SGSM2: variants seen among roughly 807,000 people sequenced by gnomAD.
The protein encoded by SGSM2 is RUN and TBC1 domain containing 1.
Under a neutral mutation model 126.6 loss-of-function variants are expected in SGSM2, and 89 were observed. That is an observed-to-expected ratio of 0.70 (90% CI 0.59 to 0.84). The LOEUF (loss-of-function observed/expected upper bound fraction) is 0.84, where lower values mean the gene tolerates loss of function less well. SGSM2 is among the 40% of genes least tolerant of loss of function. The pLI, the probability that SGSM2 is intolerant of heterozygous loss-of-function variation, is 0.00. For synonymous variants in SGSM2, 614 were observed against 574.3 expected, an observed-to-expected ratio of 1.07 and a Z score of -0.99; for missense variants, 1,404 against 1,416.6, an observed-to-expected ratio of 0.99 and a Z score of 0.14.
Position 2,377,883 on chromosome 17 carries a change from G to T in SGSM2, c.2829G>T (p.Leu943=). 1 of 1,612,364 alleles carries T rather than the reference G, an allele frequency of 6.2e-7. No homozygotes were observed. Among genetic ancestry groups the T allele is most frequent in the South Asian group, 1.1e-5 (1 of 91,046 alleles). ...TCCTGGACTCAGAGCTGTTTGAGCT[G>T]ATGCATCAGAATGGAGACTACACCC... The part of the protein sequence containing the change: ...IQILDSELFE[L]MHQNGDYTHF... Residue 943 remains leucine (L), a synonymous_variant, in exon 22 of 24, where the codon CTG becomes CTT. Transcript: ENST00000268989.
intron 2 of SGSM2, among the ~76,000 whole-genome samples, chr17:2,345,521 G>A (rs948412875): frequency 1.3e-5 from 2 of 151,482 alleles, no homozygotes; most frequent in Non-Finnish European, 2.9e-5. Context: ...GCGTGAACCC[G>A]GGAGGCGGAG....
Position 2,367,526 on chromosome 17 carries a change from G to C in SGSM2, c.1423+121G>C. The C allele has an allele frequency of 8.7e-7, 1 of 1,153,150 alleles. No homozygotes were observed. Among genetic ancestry groups the C allele is most frequent in the Non-Finnish European group, 1.2e-6 (1 of 816,390 alleles). The allele number at this position is 1,153,150 out of a possible 1,614,324, so 71.4% of individuals were successfully genotyped here. On this transcript the variant is annotated intron_variant, in intron 12 of 23. Coordinates refer to ENST00000268989, the MANE Select transcript of SGSM2 (RefSeq NM_014853.3). This position sits in a 1 kb window ranked among gnomAD's most constrained non-coding sequence, Gnocchi z 4.0. ...CATTAGGGGACTTGCACCCAGGGCA[G>C]TTCCCTTCCATCGGGGGCAGATCAG...
At chr17:2,368,281 G>GC (rs1258026104) in intron 12 of SGSM2, among the ~76,000 whole-genome samples, 1 of 152,126 alleles carries the variant, frequency 6.6e-6, no homozygotes, top group Non-Finnish European at 1.5e-5. Context: ...TAGAGAGGGA[G>GC]CCCCCCTCTT....
chr17:2,365,201 C>A lies in SGSM2; in HGVS notation c.1162-14C>A. 6.2e-7 allele frequency: 1 copy of A among 1,605,206 alleles called. No homozygotes were observed. On this transcript the variant is annotated splice_polypyrimidine_tract_variant and intron_variant, in intron 10 of 23. Transcript: ENST00000268989. ...TGCCCTATACAGCCCGACCACCTAC[C>A]CCTCCTTCCACAGGGGAAAGTGTTC...
rs2064153307 is a variant in SGSM2 at position 2,337,908 on chromosome 17, G to A, written c.57+163G>A. Among the ~76,000 whole-genome samples, 1 of 151,968 alleles carries A rather than the reference G, an allele frequency of 6.6e-6. No individual in the cohort carries two copies. Among genetic ancestry groups the A allele is most frequent in the South Asian group, 2.1e-4 (1 of 4,832 alleles). On this transcript the variant is annotated intron_variant, in intron 1 of 23. Coordinates refer to ENST00000268989, the MANE Select transcript of SGSM2 (RefSeq NM_014853.3). This position sits in a 1 kb window ranked among gnomAD's most constrained non-coding sequence, Gnocchi z 5.1. ...CGCCTCCTTCCCCTTTCTCGGATGG[G>A]GGAGGGCAGCGCCCCTCTGCCCGGG... is the stretch of plus-strand genomic sequence containing the variant.
intron 19 of SGSM2, 101 bp downstream of exon 19, chr17:2,376,362 C>T: frequency 6.7e-7 from 1 of 1,484,606 alleles, no homozygotes; most frequent in Middle Eastern, 2.1e-4. Context: ...TCTCCTGCTC[C>T]TGAATCACAC....
At chr17:2,354,095 TG>T (rs2064990826) in intron 2 of SGSM2, among the ~76,000 whole-genome samples, 1 of 152,144 alleles carries the variant, frequency 6.6e-6, no homozygotes. Flanking sequence ...TTTGTAGAGA[TG>T]GGGTCTCCCT....
chr17:2,373,139 C>A, intron 16 of SGSM2, 58 bp downstream of exon 16: 1 of 1,597,982 alleles, frequency 6.3e-7, no homozygotes, highest in Non-Finnish European at 8.5e-7. Context: ...CAGGGGACGC[C>A]AGGGAGGGGA....
intron 8 of SGSM2, 93 bp from the exon 9 acceptor site, chr17:2,364,503 G>T: frequency 7.3e-7 from 1 of 1,365,996 alleles, no homozygotes; most frequent in Non-Finnish European, 1.0e-6. Context: ...TATCTTCAGG[G>T]GAGTTTCGTG....
chr17:2,376,270 T>C lies in SGSM2; in HGVS notation c.2609+9T>C, dbSNP rs1294194301. 6.2e-7 allele frequency: 1 copy of C among 1,607,910 alleles called. No homozygotes were observed. The highest frequency in any genetic ancestry group is 1.1e-5 in the South Asian group (1 of 90,966). On this transcript the variant is annotated intron_variant, in intron 19 of 23. Coordinates refer to ENST00000268989, the MANE Select transcript of SGSM2 (RefSeq NM_014853.3). ...AGAGACGTCATGTGCAGGTGCCTTGTGGGGCGGGGCTCAGGGTGGGAGGCG... is the reference window on the plus strand; with the variant it reads ...AGAGACGTCATGTGCAGGTGCCTTGCGGGGCGGGGCTCAGGGTGGGAGGCG...
At chr17:2,376,040 G>A in intron 18 of SGSM2, 97 bp from the exon 19 acceptor site, 1 of 1,580,034 alleles carries the variant, frequency 6.3e-7, no homozygotes, top group Non-Finnish European at 8.6e-7. Flanking sequence ...TCTGGTCTCT[G>A]GGTTCCGTTT....
In SGSM2 at chr17:2,379,810, G is replaced by A. The variant is rs1021626551; in HGVS notation, c.*290G>A. 5 of 1,326,736 alleles carry A rather than the reference G, an allele frequency of 3.8e-6. No individual in the cohort carries two copies. Among genetic ancestry groups the A allele is most frequent in the Non-Finnish European group, 4.8e-6 (5 of 1,033,876 alleles). 82.2% of individuals were successfully genotyped at this position (1,326,736 alleles called of 1,614,324 possible). ...TCACACATCTGGGAGTAGCCCCACT[G>A]CCACCTGCAGCCGCAGCCTGGACTG... On this transcript the variant is annotated 3_prime_UTR_variant, in exon 24 of 24. Coordinates refer to ENST00000268989, the MANE Select transcript of SGSM2 (RefSeq NM_014853.3).
At chr17:2,373,675 G>C in intron 17 of SGSM2, 162 bp downstream of exon 17, 1 of 632,278 alleles carries the variant, frequency 1.6e-6, no homozygotes. Flanking sequence ...ATGGCTAACT[G>C]TGCCTCTGCT....
At chr17:2,342,199 C>T (rs1240915856) in intron 1 of SGSM2, among the ~76,000 whole-genome samples, 2 of 148,900 alleles carry the variant, frequency 1.3e-5, no homozygotes, top group Non-Finnish European at 3.0e-5. Flanking sequence ...GGTGGATCAC[C>T]GAGGTCAGGA....
chr17:2,376,394 G>A, intron 19 of SGSM2, 133 bp downstream of exon 19: 3 of 1,190,192 alleles, frequency 2.5e-6, no homozygotes, highest in Non-Finnish European at 3.5e-6. Flanking sequence ...TGCCTGGAAC[G>A]CTTTTTTCCT....
chr17:2,372,988 C>T lies in SGSM2; in HGVS notation c.1824C>T (p.Tyr608=). Residue 608 remains tyrosine (Y), a synonymous_variant, in exon 16 of 24, where the codon TAC becomes TAT. Coordinates refer to ENST00000268989, the MANE Select transcript of SGSM2 (RefSeq NM_014853.3). The surrounding 1 kb of genome is among the most constrained non-coding windows in gnomAD (Gnocchi z 6.0). The part of the protein sequence containing the change: ...YKELELLRQV[Y]YGGIEHEIRK... Reference sequence around the variant, plus strand: ...AGCTGGAGCTGCTGCGGCAAGTTTACTACGGAGGCATAGAGCACGAGATCC... The same window carrying T: ...AGCTGGAGCTGCTGCGGCAAGTTTATTACGGAGGCATAGAGCACGAGATCC... The T allele has an allele frequency of 1.9e-6, 3 of 1,584,274 alleles. No homozygotes were observed. The highest frequency in any genetic ancestry group is 2.6e-6 in the Non-Finnish European group (3 of 1,164,726).
In SGSM2 at chr17:2,372,934, G is replaced by A; in HGVS notation, c.1789-19G>A. 6.4e-7 allele frequency: 1 copy of A among 1,554,480 alleles called. No homozygotes were observed. Among genetic ancestry groups the A allele is most frequent in the Non-Finnish European group, 8.7e-7 (1 of 1,148,648 alleles). On this transcript the variant is annotated intron_variant, in intron 15 of 23. Coordinates refer to ENST00000268989, the MANE Select transcript of SGSM2 (RefSeq NM_014853.3). This position sits in a 1 kb window ranked among gnomAD's most constrained non-coding sequence, Gnocchi z 6.0. ...GTGACTGTGGAGGCTGCACAGTCTT[G>A]ACTCCCCGGGTCCCTCAGAACTACA...
intron 12 of SGSM2, among the ~76,000 whole-genome samples, chr17:2,370,211 G>A (rs964265622): frequency 3.3e-5 from 5 of 152,208 alleles, no homozygotes; most frequent in African/African-American, 9.6e-5. Context: ...CTGTTCTTCC[G>A]AACTCTTCTC....
chr17:2,360,381 A>G (rs931310817), intron 2 of SGSM2, among the ~76,000 whole-genome samples: 1 of 152,078 alleles, frequency 6.6e-6, no homozygotes, highest in Admixed American at 6.5e-5. Flanking sequence ...ACAGACCTCA[A>G]TTTCCCTGTC....
Sources: gnomAD v4.1 joint callset for allele counts (sites outside exome capture counted in the v4.1 genomes callset) on GRCh38, gnomAD v4.1.1 for gene constraint, Gnocchi (gnomAD v3.1) non-coding constraint, MANE v1.5 for transcripts, NCBI Gene and HGNC (gene_info 2026-07-23, HGNC 2026-07-21) for gene names.